The following PTCH1 variants were observed in gnomAD, a reference collection of about 807,000 sequenced individuals.
The protein encoded by PTCH1 is protein patched homolog 1.
Under a neutral mutation model 144.6 loss-of-function variants are expected in PTCH1, and 14 were observed. The observed-to-expected ratio is 0.10, with a 90% CI of 0.06 to 0.15. PTCH1 has a LOEUF of 0.15. PTCH1 is among the 10% of genes least tolerant of loss of function. PTCH1 has a pLI of 1.00. For missense variants in PTCH1, 1,623 were observed against 1,948.3 expected, an observed-to-expected ratio of 0.83 and a Z score of 3.14; for synonymous variants, 833 against 793.6, an observed-to-expected ratio of 1.05 and a Z score of -0.83.
In PTCH1 at chr9:95,444,509, GCACACACA is replaced by G. The variant is rs59205702; in HGVS notation, c.*1876_*1883del. 132 of 149,078 alleles carry G rather than the reference GCACACACA, an allele frequency of 8.9e-4. No homozygotes were observed. The highest frequency in any genetic ancestry group is 3.1e-3 in the African/African-American group (127 of 40,804). The allele number at this position is 149,078 out of a possible 1,614,324, so 9.2% of individuals were successfully genotyped here. On this transcript the variant is annotated 3_prime_UTR_variant, in exon 24 of 24. Coordinates refer to ENST00000331920, the MANE Select transcript of PTCH1 (RefSeq NM_000264.5). The stretch of plus-strand genomic sequence containing the variant: ...CAGAGACACACACACACGCACGCAC[GCACACACA>G]CACACACACACCCAGCAGCCACAAG...
At chr9:95,481,651 T>C (rs1564057305) in intron 5 of PTCH1, among the ~76,000 whole-genome samples, 1 of 152,232 alleles carries the variant, frequency 6.6e-6, no homozygotes, top group African/African-American at 2.4e-5. Flanking sequence ...ACTACGAACA[T>C]TTTAAAGAGT....
In PTCH1 at chr9:95,476,276, T is replaced by C. The variant is rs1032936490; in HGVS notation, c.1603-117A>G. 1.6e-5 allele frequency: 24 copies of C among 1,467,046 alleles called. No individual in the cohort carries two copies. The highest frequency in any genetic ancestry group is 1.8e-6 in the Non-Finnish European group (2 of 1,083,292). 90.9% of individuals were successfully genotyped at this position (1,467,046 alleles called of 1,614,324 possible). A position where few individuals can be genotyped will look rare whatever the true frequency, so the allele number is the denominator to read the frequency against. On this transcript the variant is annotated intron_variant, in intron 11 of 23. Transcript: ENST00000331920. The surrounding 1 kb of genome is among the most constrained non-coding windows in gnomAD (Gnocchi z 4.6). ...CAACTGTTATTACAGCTTATCATGC[T>C]GGCATTAGGGAAACAGAGCCACCTG...
At chr9:95,514,856 C>T (rs553641349) in intron 1 of PTCH1, among the ~76,000 whole-genome samples, 28 of 152,290 alleles carry the variant, frequency 1.8e-4, no homozygotes, top group African/African-American at 6.5e-4. Context: ...AGATACACCA[C>T]TCACAGTGAG....
intron 18 of PTCH1, among the ~76,000 whole-genome samples, chr9:95,456,840 T>G (rs1424732464): frequency 6.6e-6 from 1 of 152,148 alleles, no homozygotes; most frequent in Non-Finnish European, 1.5e-5. Context: ...CATCATTAAG[T>G]TTTTGGTTGC....
Position 95,468,136 on chromosome 9 carries a change from C to T in PTCH1, c.2250+615G>A, listed in dbSNP as rs374192159. Among the ~76,000 whole-genome samples, 46 of 152,270 alleles carry T rather than the reference C, an allele frequency of 3.0e-4. No individual in the cohort carries two copies. The East Asian group carries it at 5.0e-3, about 17-fold the overall frequency. ...AGGCTTGAATGAAGTGGCACCATCA[C>T]GGCTCACTGTAGCCTCGACTCCCTG... On this transcript the variant is annotated intron_variant, in intron 14 of 23. Coordinates refer to ENST00000331920, the MANE Select transcript of PTCH1 (RefSeq NM_000264.5).
At position 95,508,748 on chromosome 9, in the gene PTCH1, C is replaced by A. The variant is rs1843963205; in HGVS notation, c.-387G>T. On this transcript the variant is annotated 5_prime_UTR_variant, in exon 1 of 24. Coordinates refer to ENST00000331920, the MANE Select transcript of PTCH1 (RefSeq NM_000264.5). ...CTTGCGGTCCCCAACTCCCCCTACC[C>A]GCCCCCCGCCCCGCGCCGCGACCCC... 2 of 965,226 alleles carry A rather than the reference C, an allele frequency of 2.1e-6. No homozygotes were observed. Among genetic ancestry groups the A allele is most frequent in the Non-Finnish European group, 2.5e-6 (2 of 811,630 alleles). The allele number at this position is 965,226 out of a possible 1,614,324, so 59.8% of individuals were successfully genotyped here.
intron 22 of PTCH1, 150 bp downstream of exon 22, chr9:95,448,919 T>C (rs1180868925): frequency 1.8e-6 from 2 of 1,117,326 alleles, no homozygotes; most frequent in East Asian, 5.1e-5. Context: ...ATACTGGTTA[T>C]TTCCTATGAT....
chr9:95,507,541 G>GT (rs1843783329), intron 1 of PTCH1: 1 of 710,728 alleles, frequency 1.4e-6, no homozygotes, highest in Non-Finnish European at 1.7e-6. Flanking sequence ...CAGGCCCTAA[G>GT]GAGAGGCGGC....
intron 15 of PTCH1, among the ~76,000 whole-genome samples, chr9:95,462,669 G>A (rs922039198): frequency 3.3e-5 from 5 of 152,204 alleles, no homozygotes; most frequent in South Asian, 2.1e-4. Flanking sequence ...TGTGCACGCA[G>A]GGAAATACCT....
At position 95,468,913 on chromosome 9, in the gene PTCH1, G is replaced by T. The variant is rs2118038763; in HGVS notation, c.2088C>A (p.Thr696=). 1 of 1,614,164 alleles carries T rather than the reference G, an allele frequency of 6.2e-7. No homozygotes were observed. Among genetic ancestry groups the T allele is most frequent in the African/African-American group, 1.3e-5 (1 of 75,038 alleles). The change falls in exon 14 of 24, where the codon ACC becomes ACA. Residue 696 remains threonine (T), a synonymous_variant. Transcript: ENST00000331920. ...SVQPVTVTQD[T]LSCQSPESTS... is the part of the protein sequence containing the mutation. ...TGCTCTCTGGGCTCTGGCAGCTGAG[G>T]GTGTCCTGTGTCACGGTGACGGGCT...
At chr9:95,512,716 C>G (rs1443466240), upstream of PTCH1, among the ~76,000 whole-genome samples, 1 of 152,248 alleles carries the variant, frequency 6.6e-6, no homozygotes, top group Non-Finnish European at 1.5e-5. Context: ...AAGGATTCCA[C>G]AGATCTGAGA....
At chr9:95,507,742 A>G (rs1843813279) in intron 1 of PTCH1, 1 of 197,710 alleles carries the variant, frequency 5.1e-6, no homozygotes, top group Non-Finnish European at 9.3e-6. Flanking sequence ...GAAATGTGGC[A>G]GCCGTACAGG....
rs1022207005 is a variant in PTCH1, at chr9:95,508,414, G to A, written c.-53C>T. 12 of 1,066,542 alleles carry A rather than the reference G, an allele frequency of 1.1e-5. No individual in the cohort carries two copies. Among genetic ancestry groups the A allele is most frequent in the Non-Finnish European group, 1.4e-5 (12 of 884,668 alleles). 66.1% of individuals were successfully genotyped at this position (1,066,542 alleles called of 1,614,324 possible). ...GGGACGGAGGCTTCCCGGGCGGCCC[G>A]GCGCGCTGCTGCCGCTGCTGCGGGC... is the stretch of plus-strand genomic sequence containing the variant. On this transcript the variant is annotated 5_prime_UTR_variant, in exon 1 of 24. Coordinates refer to ENST00000331920, the MANE Select transcript of PTCH1 (RefSeq NM_000264.5).
chr9:95,478,325 G>A, intron 8 of PTCH1, 139 bp from the exon 9 acceptor site: 1 of 1,320,864 alleles, frequency 7.6e-7, no homozygotes. Context: ...GTGATTCCAG[G>A]GCAGGGAGAG....
At chr9:95,486,019 T>C in intron 2 of PTCH1, 145 bp from the exon 3 acceptor site, 2 of 885,576 alleles carry the variant, frequency 2.3e-6, no homozygotes, top group Non-Finnish European at 3.6e-6. Flanking sequence ...AACATTCACT[T>C]TATTAATGGC....
rs2236404 is a variant in PTCH1, at chr9:95,447,460, G to A, written c.3805-9C>T. 1.1e-3 allele frequency: 1,759 copies of A among 1,558,716 alleles called. 35 individuals are homozygous for A. The East Asian group carries it at 0.037, about 33-fold the overall frequency. On this transcript the variant is annotated splice_polypyrimidine_tract_variant and intron_variant, in intron 22 of 23. Coordinates refer to ENST00000331920, the MANE Select transcript of PTCH1 (RefSeq NM_000264.5). The stretch of plus-strand genomic sequence containing the variant: ...GATTCGGGATGGACCACCTGCAGAG[G>A]GTGAGGGTGGGTTAGAAGGGTGGTA...
intron 12 of PTCH1, among the ~76,000 whole-genome samples, chr9:95,470,830 T>C (rs1369895587): frequency 6.6e-6 from 1 of 152,058 alleles, no homozygotes; most frequent in East Asian, 1.9e-4. Flanking sequence ...ATCCCAGCAC[T>C]TTGCGAGGCT....
In PTCH1 at chr9:95,443,648, CCA is replaced by C. The variant is rs1213262489; in HGVS notation, c.*2743_*2744del. On this transcript the variant is annotated 3_prime_UTR_variant, in exon 24 of 24. Coordinates refer to ENST00000331920, the MANE Select transcript of PTCH1 (RefSeq NM_000264.5). ...CTGTAATTTACAATGAAAACTGTGC[CCA>C]CTCATGTCTCAGCAAAGTTCCAGAC... 6.6e-6 allele frequency: 1 copy of C among 152,494 alleles called. No homozygotes were observed. The highest frequency in any genetic ancestry group is 1.5e-5 in the Non-Finnish European group (1 of 68,028). 9.4% of individuals were successfully genotyped at this position (152,494 alleles called of 1,614,324 possible).
At chr9:95,469,287 T>C (rs1840343763) in intron 13 of PTCH1, 134 bp from the exon 14 acceptor site, 4 of 1,211,664 alleles carry the variant, frequency 3.3e-6, no homozygotes, top group Non-Finnish European at 2.4e-6. Flanking sequence ...ATCACATTGC[T>C]GAATTCCAGA....
Sources: gnomAD v4.1 joint callset for allele counts (sites outside exome capture counted in the v4.1 genomes callset) on GRCh38, gnomAD v4.1.1 for gene constraint, Gnocchi (gnomAD v3.1) non-coding constraint, MANE v1.5 for transcripts, NCBI Gene and HGNC (gene_info 2026-07-23, HGNC 2026-07-21) for gene names.